The following CCNY variants were observed in gnomAD, a reference collection of about 807,000 sequenced individuals.
CCNY encodes the protein cyclin-Y.
CCNY carries 19 observed loss-of-function variants against 42.8 expected under a neutral mutation model. The observed-to-expected ratio is 0.44, with a 90% CI of 0.31 to 0.65. The LOEUF is 0.65. Among genes scored for constraint, CCNY ranks in the 30% least tolerant of loss-of-function variants. CCNY has a pLI of 0.07. For synonymous variants in CCNY, 165 were observed against 162.7 expected (o/e 1.01, Z -0.11); for missense variants, 370 against 437.3 (o/e 0.85, Z 1.37).
chr10:35,346,265 C>T (rs1293512364), intron 1 of CCNY, among the ~76,000 whole-genome samples: 2 of 152,130 alleles, frequency 1.3e-5, no homozygotes, highest in Non-Finnish European at 2.9e-5. Context: ...TCAGGAGATA[C>T]CCCACCCACC....
At chr10:35,520,909 G>A (rs1029040805) in intron 4 of CCNY, among the ~76,000 whole-genome samples, 1 of 152,160 alleles carries the variant, frequency 6.6e-6, no homozygotes, top group Non-Finnish European at 1.5e-5. Context: ...AGAAAAGAGC[G>A]GAGGGTGGTG....
intron 3 of CCNY, among the ~76,000 whole-genome samples, chr10:35,256,744 T>TAA (rs199594072): frequency 1.9e-5 from 2 of 107,606 alleles, no homozygotes; most frequent in Non-Finnish European, 3.8e-5. Context: ...AATAAAACAT[T>TAA]AAAAAAAAAA....
intron 1 of CCNY, among the ~76,000 whole-genome samples, chr10:35,456,783 T>C (rs946925478): frequency 1.3e-5 from 2 of 152,202 alleles, no homozygotes; most frequent in African/African-American, 2.4e-5. Flanking sequence ...CCTTAAAATA[T>C]ATATCAGGTC....
At chr10:35,310,672 A>G (rs1255321804) in intron 3 of CCNY, among the ~76,000 whole-genome samples, 1 of 152,198 alleles carries the variant, frequency 6.6e-6, no homozygotes, top group Non-Finnish European at 1.5e-5. Context: ...CATTTTTCAT[A>G]CAACTGTTGG....
intron 3 of CCNY, among the ~76,000 whole-genome samples, chr10:35,311,966 ACAGAGCAAGACT>A (rs1348943376): frequency 6.6e-6 from 1 of 152,172 alleles, no homozygotes; most frequent in African/African-American, 2.4e-5. Context: ...AGCCTGGGCA[ACAGAGCAAGACT>A]CTGTCTAAAA....
At chr10:35,435,071 G>A (rs1178615491) in intron 1 of CCNY, among the ~76,000 whole-genome samples, 2 of 152,322 alleles carry the variant, frequency 1.3e-5, no homozygotes, top group East Asian at 3.9e-4. Flanking sequence ...GCTGCACCTG[G>A]ATTGGGGCAA....
At chr10:35,435,526 G>A (rs10827503) in intron 1 of CCNY, among the ~76,000 whole-genome samples, 57,013 of 152,016 alleles carry the variant, frequency 0.38, 13,459 homozygotes, top group Non-Finnish European at 0.51. Context: ...TAATATGAGA[G>A]ATGATTTCTA....
chr10:35,491,336 A>C (rs1035631988), intron 2 of CCNY, among the ~76,000 whole-genome samples: 9 of 152,242 alleles, frequency 5.9e-5, no homozygotes, highest in Non-Finnish European at 1.3e-4. Flanking sequence ...GGTGAGTCCC[A>C]GGCACACAGC....
Position 35,269,629 on chromosome 10 carries a change from TTG to T in CCNY, c.-9+19005_-9+19006del, listed in dbSNP as rs1286041920. Among the ~76,000 whole-genome samples, 162 of 134,932 alleles carry T rather than the reference TTG, an allele frequency of 1.2e-3. 1 individual carries two copies. Among genetic ancestry groups the T allele is most frequent in the African/African-American group, 5.0e-3 (151 of 30,338 alleles). 88.5% of individuals were successfully genotyped at this position (134,932 alleles called of 152,430 possible). ...CAAGTTCGCCACTCTTTTTTTTTTT[TTG>T]TTTTGTTTTTTTTTTGAGATGGAGT... On this transcript the variant is annotated intron_variant, in intron 3 of 11. Coordinates refer to the CCNY transcript ENST00000374706.
upstream of CCNY, among the ~76,000 whole-genome samples, chr10:35,335,624 G>A (rs551072412): frequency 2.1e-4 from 32 of 152,118 alleles, no homozygotes; most frequent in African/African-American, 6.5e-4. Flanking sequence ...GAGTCCAGAC[G>A]GGAGGATTCC....
intron 1 of CCNY, among the ~76,000 whole-genome samples, chr10:35,361,212 T>C (rs138389323): frequency 1.7e-3 from 260 of 152,372 alleles, no homozygotes; most frequent in Middle Eastern, 3.4e-3. Flanking sequence ...CTCTCAGATA[T>C]GTTATCTGTG....
chr10:35,286,958 A>G (rs1040233999), intron 3 of CCNY, among the ~76,000 whole-genome samples: 1 of 152,202 alleles, frequency 6.6e-6, no homozygotes, highest in African/African-American at 2.4e-5. Context: ...TAGAAAGTAG[A>G]GAAATTTTTG....
At chr10:35,453,558 C>T (rs1276956737) in intron 1 of CCNY, among the ~76,000 whole-genome samples, 1 of 152,218 alleles carries the variant, frequency 6.6e-6, no homozygotes, top group Admixed American at 6.5e-5. Context: ...TACAAAATTA[C>T]TGTATGACAA....
intron 3 of CCNY, among the ~76,000 whole-genome samples, chr10:35,298,674 G>A (rs191468691): frequency 1.3e-5 from 2 of 152,158 alleles, no homozygotes; most frequent in Admixed American, 1.3e-4. Context: ...GGGCCACCAC[G>A]TCTGGCTAAT....
At chr10:35,356,608 C>T (rs751844442) in intron 1 of CCNY, among the ~76,000 whole-genome samples, 1 of 152,078 alleles carries the variant, frequency 6.6e-6, no homozygotes, top group Admixed American at 6.6e-5. Context: ...ACTCCTTAAC[C>T]TCTTCATGTT....
intron 7 of CCNY, among the ~76,000 whole-genome samples, chr10:35,540,564 C>CTTTTTTTTTTTTTTTTTTTTTTTTTTT (rs561129843): frequency 2.1e-5 from 3 of 144,804 alleles, no homozygotes; most frequent in African/African-American, 7.6e-5. Context: ...ATTCCTTCTA[C>CTTTTTTTTTTTTTTTTTTTTTTTTTTT]TTTTTTTTTT....
chr10:35,431,287 C>T (rs1838390910), intron 1 of CCNY, among the ~76,000 whole-genome samples: 2 of 150,306 alleles, frequency 1.3e-5, no homozygotes, highest in Admixed American at 6.6e-5. Flanking sequence ...ATTGCTCACA[C>T]TTGGAAGCAT....
chr10:35,257,315 G>GT (rs544963288), intron 3 of CCNY, among the ~76,000 whole-genome samples: 3,876 of 88,644 alleles, frequency 0.044, 78 homozygotes, highest in Non-Finnish European at 0.064. Flanking sequence ...CTTTCTTTCT[G>GT]TTTTTTTTTT....
chr10:35,296,591 A>G (rs549531763), intron 3 of CCNY, among the ~76,000 whole-genome samples: 1 of 152,328 alleles, frequency 6.6e-6, no homozygotes, highest in South Asian at 2.1e-4. Context: ...AAAAAAAAGA[A>G]AAAAGAAAAA....
Sources: gnomAD v4.1 joint callset for allele counts (sites outside exome capture counted in the v4.1 genomes callset) on GRCh38, gnomAD v4.1.1 for gene constraint, MANE v1.5 for transcripts, NCBI Gene and HGNC (gene_info 2026-07-23, HGNC 2026-07-21) for gene names.